The following TAF3 variants were observed in gnomAD, a reference collection of about 807,000 sequenced individuals.
The protein encoded by TAF3 is transcription initiation factor TFIID subunit 3.
A neutral mutation model predicts 80.6 loss-of-function variants in TAF3; 7 were observed. The observed-to-expected ratio is 0.09, with a 90% CI of 0.05 to 0.16. The LOEUF (loss-of-function observed/expected upper bound fraction) is 0.16. Among genes scored for constraint, TAF3 ranks in the 10% least tolerant of loss-of-function variants. TAF3 has a pLI of 1.00. For synonymous variants in TAF3, 444 were observed against 446.1 expected (o/e 1.00, Z 0.06); for missense variants, 921 against 1,140.2 (o/e 0.81, Z 2.77).
At chr10:7,885,249 G>GAC (rs71385678) in intron 2 of TAF3, among the ~76,000 whole-genome samples, 54,516 of 148,530 alleles carry the variant, frequency 0.37, 10,398 homozygotes, top group Admixed American at 0.48. Context: ...TATAAATTTT[G>GAC]ACACACACAC....
chr10:7,988,629 T>C (rs928954060), intron 4 of TAF3, among the ~76,000 whole-genome samples: 5 of 143,838 alleles, frequency 3.5e-5, no homozygotes, highest in African/African-American at 7.6e-5. Context: ...TGTGCACCTG[T>C]AGTCCCAGCC....
chr10:7,950,643 T>G (rs540960879), intron 2 of TAF3, among the ~76,000 whole-genome samples: 1 of 152,358 alleles, frequency 6.6e-6, no homozygotes, highest in South Asian at 2.1e-4. Flanking sequence ...ACAGTTATCC[T>G]CATTATGCAC....
intron 3 of TAF3, among the ~76,000 whole-genome samples, chr10:7,974,825 C>T (rs1262195362): frequency 6.6e-6 from 1 of 152,062 alleles, no homozygotes. Flanking sequence ...CCCGTAATCC[C>T]AGCACTTTGG....
chr10:7,839,050 C>A (rs1446136566), intron 2 of TAF3, among the ~76,000 whole-genome samples: 1 of 151,876 alleles, frequency 6.6e-6, no homozygotes, highest in Non-Finnish European at 1.5e-5. Context: ...TTAGCATAAA[C>A]CTACAGGGCC....
At chr10:7,852,927 T>G (rs535510306) in intron 2 of TAF3, among the ~76,000 whole-genome samples, 30 of 152,254 alleles carry the variant, frequency 2.0e-4, no homozygotes, top group Non-Finnish European at 4.3e-4. Flanking sequence ...CTTCCAATAG[T>G]CACCAACTAG....
intron 4 of TAF3, among the ~76,000 whole-genome samples, chr10:7,983,235 C>T (rs923544249): frequency 6.6e-6 from 1 of 152,218 alleles, no homozygotes; most frequent in Non-Finnish European, 1.5e-5. Flanking sequence ...AAGGACTTCG[C>T]TTCAGCAGCC....
chr10:7,818,568 C>A lies in TAF3; in HGVS notation c.-142C>A. On this transcript the variant is annotated 5_prime_UTR_variant, in exon 1 of 7. Coordinates refer to ENST00000344293, the MANE Select transcript of TAF3 (RefSeq NM_031923.4). ...GCTGGCGCGCTCCGTGCTGCTGGGG[C>A]TTTGAGGTGGTCGCCGGGGGTCCGG... The A allele has an allele frequency of 2.3e-6, 2 of 882,932 alleles. No homozygotes were observed. The highest frequency in any genetic ancestry group is 1.9e-5 in the South Asian group (1 of 53,100). 54.7% of individuals were successfully genotyped at this position (882,932 alleles called of 1,614,324 possible).
At chr10:7,942,209 G>A (rs550130171) in intron 2 of TAF3, among the ~76,000 whole-genome samples, 8 of 152,256 alleles carry the variant, frequency 5.3e-5, no homozygotes, top group African/African-American at 1.2e-4. Context: ...GCAATCACCC[G>A]TGACGATGCA....
At chr10:7,938,546 G>A (rs535278402) in intron 2 of TAF3, among the ~76,000 whole-genome samples, 276 of 106,168 alleles carry the variant, frequency 2.6e-3, no homozygotes, top group African/African-American at 7.4e-3. Flanking sequence ...GAATTTGAAC[G>A]GCCAGTCAGA....
chr10:7,882,563 A>G (rs1837371826), intron 2 of TAF3, among the ~76,000 whole-genome samples: 1 of 152,210 alleles, frequency 6.6e-6, no homozygotes, highest in Non-Finnish European at 1.5e-5. Flanking sequence ...ACCACAGGAA[A>G]AGACACGTAG....
chr10:8,012,905 A>C (rs112448153), intron 5 of TAF3, among the ~76,000 whole-genome samples: 3,394 of 152,314 alleles, frequency 0.022, 52 homozygotes, highest in Non-Finnish European at 0.033. Flanking sequence ...TATTGTAAAC[A>C]CTTTGGAAGT....
rs907164980 is a variant in TAF3, at chr10:7,941,223, A to G, written c.410-22697A>G. Among the ~76,000 whole-genome samples, 5 of 152,362 alleles carry G rather than the reference A, an allele frequency of 3.3e-5. No homozygotes were observed. In the South Asian group the frequency reaches 8.3e-4, roughly 25 times the overall value. On this transcript the variant is annotated intron_variant, in intron 2 of 6. Coordinates refer to ENST00000344293, the MANE Select transcript of TAF3 (RefSeq NM_031923.4). ...GCTGAGTGACCACGTTTAGCCTGCT[A>G]GATCAAATTTGCTGACAGGTAGAAT...
chr10:7,987,437 C>T (rs573382566), intron 4 of TAF3, among the ~76,000 whole-genome samples: 1 of 152,196 alleles, frequency 6.6e-6, no homozygotes, highest in Non-Finnish European at 1.5e-5. Flanking sequence ...TTTCATTTTA[C>T]TGTTGTATCA....
intron 2 of TAF3, among the ~76,000 whole-genome samples, chr10:7,864,951 G>A (rs1456818104): frequency 1.3e-5 from 2 of 152,080 alleles, no homozygotes; most frequent in Admixed American, 1.3e-4. Context: ...TTGGGTGGCT[G>A]GGGTGGGTGG....
chr10:7,863,293 C>G (rs1837165968), intron 2 of TAF3, among the ~76,000 whole-genome samples: 1 of 152,004 alleles, frequency 6.6e-6, no homozygotes, highest in Non-Finnish European at 1.5e-5. Flanking sequence ...GAGTTGAGAT[C>G]TTCACAATAT....
At chr10:7,993,880 CTTTTTTTTTTTTT>C (rs953356058) in intron 4 of TAF3, among the ~76,000 whole-genome samples, 2 of 104,420 alleles carry the variant, frequency 1.9e-5, no homozygotes, top group African/African-American at 7.5e-5. Flanking sequence ...AATATACAAT[CTTTTTTTTTTTTT>C]TTTTTTTTTT....
intron 2 of TAF3, among the ~76,000 whole-genome samples, chr10:7,905,545 A>C (rs1388035955): frequency 6.6e-6 from 1 of 152,110 alleles, no homozygotes; most frequent in African/African-American, 2.4e-5. Flanking sequence ...TGAAATTTGC[A>C]AGTCATGGGC....
At chr10:7,980,588 A>C (rs1216838185) in intron 4 of TAF3, among the ~76,000 whole-genome samples, 1 of 152,240 alleles carries the variant, frequency 6.6e-6, no homozygotes, top group African/African-American at 2.4e-5. Flanking sequence ...CCTGTAGTCT[A>C]TATTGAAGAT....
intron 2 of TAF3, among the ~76,000 whole-genome samples, chr10:7,826,901 T>A (rs1172214505): frequency 1.3e-5 from 2 of 152,208 alleles, no homozygotes; most frequent in Non-Finnish European, 2.9e-5. Context: ...TTCTGATTAG[T>A]GGTGCAAAGT....
Sources: allele counts gnomAD v4.1 joint callset (sites outside exome capture counted in the v4.1 genomes callset), GRCh38; gene constraint gnomAD v4.1.1; transcripts MANE v1.5; gene names NCBI Gene and HGNC (gene_info 2026-07-23, HGNC 2026-07-21).